CDH2: variants seen among roughly 807,000 people sequenced by gnomAD.
CDH2 encodes cadherin 2, also known as cadherin-2.
In CDH2, 17 loss-of-function variants were observed where a neutral mutation model predicts 92.0. The observed-to-expected ratio is 0.18, with a 90% CI of 0.13 to 0.28. CDH2 has a LOEUF of 0.28. CDH2 is among the 10% of genes least tolerant of loss of function. The pLI is 1.00. For synonymous variants in CDH2, 419 were observed against 415.9 expected, an observed-to-expected ratio of 1.01 and a Z score of -0.09; for missense variants, 862 against 1,133.1, an observed-to-expected ratio of 0.76 and a Z score of 3.44.
intron 14 of CDH2, among the ~76,000 whole-genome samples, chr18:27,974,657 A>G (rs1567944713): frequency 6.6e-6 from 1 of 152,164 alleles, no homozygotes; most frequent in Non-Finnish European, 1.5e-5. Flanking sequence ...CCAATACAAT[A>G]GTATTAAGAA....
chr18:28,110,237 C>T (rs2015389565), intron 2 of CDH2, among the ~76,000 whole-genome samples: 1 of 152,212 alleles, frequency 6.6e-6, no homozygotes, highest in Admixed American at 6.5e-5. Context: ...GCTTTAGTTG[C>T]AGCCAAAGAC....
intron 2 of CDH2, among the ~76,000 whole-genome samples, chr18:28,016,301 G>C (rs981414316): frequency 6.6e-6 from 1 of 151,920 alleles, no homozygotes; most frequent in Non-Finnish European, 1.5e-5. Flanking sequence ...TTGTTTCTTA[G>C]GACACTTGAT....
chr18:27,971,996 C>T (rs1395666949), intron 14 of CDH2, among the ~76,000 whole-genome samples: 1 of 152,146 alleles, frequency 6.6e-6, no homozygotes, highest in Non-Finnish European at 1.5e-5. Flanking sequence ...GTCTGGTTCC[C>T]GAGACTGGCA....
intron 14 of CDH2, among the ~76,000 whole-genome samples, chr18:27,968,506 T>A (rs2011583137): frequency 6.6e-6 from 1 of 152,046 alleles, no homozygotes; most frequent in Non-Finnish European, 1.5e-5. Flanking sequence ...CTGTGCACAG[T>A]TGGTTAAAAT....
chr18:28,040,112 C>T (rs1218120090), intron 2 of CDH2, among the ~76,000 whole-genome samples: 1 of 152,152 alleles, frequency 6.6e-6, no homozygotes, highest in African/African-American at 2.4e-5. Flanking sequence ...GGCAATGACA[C>T]TTACTGAAAG....
chr18:28,009,953 C>T, intron 4 of CDH2, 81 bp from the exon 5 acceptor site: 2 of 1,115,838 alleles, frequency 1.8e-6, no homozygotes, highest in Non-Finnish European at 2.5e-6. Flanking sequence ...ACACTTCATG[C>T]CCTTTTTCAG....
At chr18:27,947,502 GA>G (rs1217434144), downstream of CDH2, among the ~76,000 whole-genome samples, 1 of 151,402 alleles carries the variant, frequency 6.6e-6, no homozygotes, top group African/African-American at 2.4e-5. Context: ...GAGAAAATGC[GA>G]AAAAAAGAAC....
chr18:28,172,442 T>C (rs2016479273), intron 1 of CDH2, among the ~76,000 whole-genome samples: 1 of 152,138 alleles, frequency 6.6e-6, no homozygotes, highest in African/African-American at 2.4e-5. Context: ...ATGTATTTAG[T>C]TAAATACAAA....
downstream of CDH2, among the ~76,000 whole-genome samples, chr18:27,946,959 T>C (rs546016373): frequency 1.3e-5 from 2 of 151,968 alleles, no homozygotes; most frequent in South Asian, 4.1e-4. Context: ...AAGTGAAGTA[T>C]AAACTGGTAT....
intron 2 of CDH2, among the ~76,000 whole-genome samples, chr18:28,042,116 T>C (rs2013958859): frequency 6.6e-6 from 1 of 152,150 alleles, no homozygotes; most frequent in Admixed American, 6.5e-5. Flanking sequence ...ACTATGTATT[T>C]TTTCTATTTT....
chr18:28,037,895 T>C (rs2013867898), intron 2 of CDH2, among the ~76,000 whole-genome samples: 1 of 151,850 alleles, frequency 6.6e-6, no homozygotes, highest in South Asian at 2.1e-4. Context: ...AACAGGAATC[T>C]CAAAAGAAGA....
intron 1 of CDH2, 30 bp from the exon 2 acceptor site, chr18:28,147,814 G>C: frequency 8.5e-7 from 1 of 1,174,896 alleles, no homozygotes; most frequent in South Asian, 1.3e-5. Context: ...AAAAAAATGT[G>C]TGCAATGATT....
At chr18:28,170,098 C>T (rs2016442546) in intron 1 of CDH2, among the ~76,000 whole-genome samples, 2 of 152,194 alleles carry the variant, frequency 1.3e-5, no homozygotes, top group African/African-American at 4.8e-5. Flanking sequence ...AGCATGGAAA[C>T]GTATCCATTA....
Position 28,005,985 on chromosome 18 carries a change from T to C in CDH2, c.711A>G (p.Ala237=). The C allele has an allele frequency of 6.2e-7, 1 of 1,610,110 alleles. No homozygotes were observed. Among genetic ancestry groups the C allele is most frequent in the Non-Finnish European group, 8.5e-7 (1 of 1,177,180 alleles). ...GATTTCCATTAATATCTACTGCATG[T>C]GCCCTCAACTGCAAAAGTAATTAGA... The part of the protein sequence containing the change: ...REQIARFHLR[A]HAVDINGNQV... Residue 237 remains alanine, a synonymous_variant, in exon 6 of 16, where the codon GCA becomes GCG. Coordinates refer to ENST00000269141, the MANE Select transcript of CDH2 (RefSeq NM_001792.5).
At chr18:28,105,580 T>A (rs963122835) in intron 2 of CDH2, among the ~76,000 whole-genome samples, 2 of 152,132 alleles carry the variant, frequency 1.3e-5, no homozygotes, top group African/African-American at 4.8e-5. Context: ...AATTAAAAAA[T>A]TATTATTATT....
At chr18:28,010,668 GTT>G (rs760034959) in intron 4 of CDH2, among the ~76,000 whole-genome samples, 1 of 142,564 alleles carries the variant, frequency 7.0e-6, no homozygotes. Context: ...TAAAATCTAG[GTT>G]TTTTTTTTTT....
chr18:28,176,480 G>C (rs2016543941), intron 1 of CDH2, among the ~76,000 whole-genome samples: 1 of 152,212 alleles, frequency 6.6e-6, no homozygotes, highest in South Asian at 2.1e-4. Context: ...CACGGGTGCA[G>C]GGTGGGGTAA....
chr18:28,004,029 G>T (rs1057235069), intron 6 of CDH2, among the ~76,000 whole-genome samples: 6 of 152,026 alleles, frequency 3.9e-5, no homozygotes, highest in Non-Finnish European at 7.4e-5. Context: ...TCTCTCCATG[G>T]TATACCTTGG....
At position 28,006,212 on chromosome 18, in the gene CDH2, G is replaced by C. The variant is rs555435907; in HGVS notation, c.703-219C>G. 3.5e-4 allele frequency among the ~76,000 whole-genome samples: 54 copies of C among 152,244 alleles called. 1 individual carries two copies. In the South Asian group the frequency reaches 0.011, roughly 31 times the overall value. ...CTATATGCTAGGCATTGTTCTCAGA[G>C]CACAATGGATTTTAACTCCTTTAAT... On this transcript the variant is annotated intron_variant, in intron 5 of 15. Coordinates refer to ENST00000269141, the MANE Select transcript of CDH2 (RefSeq NM_001792.5).
Sources: gnomAD v4.1 joint callset for allele counts (sites outside exome capture counted in the v4.1 genomes callset) on GRCh38, gnomAD v4.1.1 for gene constraint, MANE v1.5 for transcripts, NCBI Gene and HGNC (gene_info 2026-07-23, HGNC 2026-07-21) for gene names.